The following CDH18 variants were observed in gnomAD, a reference collection of about 807,000 sequenced individuals.
The protein encoded by CDH18 is cadherin-18.
Under a neutral mutation model 67.9 loss-of-function variants are expected in CDH18, and 31 were observed. The observed-to-expected ratio is 0.46, with a 90% CI of 0.34 to 0.62. The LOEUF (loss-of-function observed/expected upper bound fraction) is 0.62. CDH18 is among the 20% of genes least tolerant of loss of function. CDH18 has a pLI of 0.01. For synonymous variants in CDH18, 362 were observed against 347.2 expected (o/e 1.04, Z -0.48); for missense variants, 890 against 975.5 (o/e 0.91, Z 1.17).
chr5:19,648,805 G>A (rs921732870), intron 5 of CDH18, among the ~76,000 whole-genome samples: 13 of 150,452 alleles, frequency 8.6e-5, no homozygotes, highest in Admixed American at 7.3e-4. Context: ...TCTTCACACA[G>A]TACATTAAAT....
rs535245249 is a variant in CDH18, at chr5:19,496,458, T to C, written c.1630+6534A>G. ...CACAATAATGTTGGGAGGTGGGGCCTAATGGGTGGTGTTTAGGTCTTGAGA... is the reference window on the plus strand; with the variant it reads ...CACAATAATGTTGGGAGGTGGGGCCCAATGGGTGGTGTTTAGGTCTTGAGA... On this transcript the variant is annotated intron_variant, in intron 11 of 12. Coordinates refer to ENST00000382275, the MANE Select transcript of CDH18 (RefSeq NM_004934.5). Among the ~76,000 whole-genome samples the C allele has an allele frequency of 1.3e-4, 20 of 152,268 alleles. No individual in the cohort carries two copies. The South Asian group carries it at 3.9e-3, about 30-fold the overall frequency.
chr5:19,975,703 C>T (rs565550663), intron 2 of CDH18, among the ~76,000 whole-genome samples: 57 of 152,178 alleles, frequency 3.7e-4, no homozygotes, highest in Admixed American at 1.4e-3. Context: ...TTAGAACAAT[C>T]TGGTTTTTCC....
At chr5:20,545,549 G>T (rs1204860119) in intron 1 of CDH18, among the ~76,000 whole-genome samples, 3 of 152,164 alleles carry the variant, frequency 2.0e-5, no homozygotes, top group African/African-American at 7.2e-5. Flanking sequence ...AGCTGCCAAG[G>T]TTGGGTCTGA....
At chr5:19,625,641 T>A (rs1751427420) in intron 5 of CDH18, among the ~76,000 whole-genome samples, 1 of 152,112 alleles carries the variant, frequency 6.6e-6, no homozygotes, top group African/African-American at 2.4e-5. Flanking sequence ...GTTCAAATCA[T>A]CTTTCCTTTG....
At chr5:19,616,386 T>TA (rs573313727) in intron 5 of CDH18, among the ~76,000 whole-genome samples, 92 of 152,148 alleles carry the variant, frequency 6.0e-4, no homozygotes, top group African/African-American at 1.7e-3. Flanking sequence ...TCGTTTTAAT[T>TA]AAAAAAATTG....
chr5:20,308,152 T>C (rs1736650257), intron 1 of CDH18, among the ~76,000 whole-genome samples: 1 of 150,782 alleles, frequency 6.6e-6, no homozygotes, highest in Admixed American at 6.6e-5. Flanking sequence ...CAGTTTAAAT[T>C]TGTTAAATTG....
In CDH18 at chr5:20,288,357, G is replaced by A. The variant is rs575087834; in HGVS notation, c.-579-32852C>T. ...AGTCAAATTACTTAATAAAATACTA[G>A]CATGTCCCTTTTAATTTCAGAGTAA... On this transcript the variant is annotated intron_variant, in intron 1 of 14. Transcript: ENST00000507958. 1.8e-4 allele frequency among the ~76,000 whole-genome samples: 27 copies of A among 151,646 alleles called. 1 individual carries two copies. The South Asian group carries it at 4.8e-3, about 27-fold the overall frequency.
At chr5:20,223,410 G>A (rs1334102146) in intron 2 of CDH18, among the ~76,000 whole-genome samples, 1 of 152,094 alleles carries the variant, frequency 6.6e-6, no homozygotes, top group Non-Finnish European at 1.5e-5. Context: ...TTCGATTTTA[G>A]GGGCTCATTG....
chr5:20,075,084 A>G (rs1038991222), intron 2 of CDH18, among the ~76,000 whole-genome samples: 3 of 152,166 alleles, frequency 2.0e-5, no homozygotes, highest in Non-Finnish European at 4.4e-5. Flanking sequence ...CTGACTTTGC[A>G]CCTCTTTAGG....
intron 1 of CDH18, among the ~76,000 whole-genome samples, chr5:20,306,198 T>C (rs932137394): frequency 1.1e-4 from 17 of 152,188 alleles, no homozygotes; most frequent in Middle Eastern, 3.2e-3. Flanking sequence ...AGAAAATGCT[T>C]CAATATAAAT....
rs1419895341 is a variant in CDH18 at position 20,100,797 on chromosome 5, C to A, written c.-517-108783G>T. ...AAATAAGAGAATATCCCCACTACAC[C>A]TCTGAGAAAAAAAAAATTGTTTTCT... On this transcript the variant is annotated intron_variant, in intron 2 of 14. Transcript: ENST00000507958. Among the ~76,000 whole-genome samples the A allele has an allele frequency of 2.0e-5, 3 of 151,790 alleles. No homozygotes were observed. In the East Asian group the frequency reaches 5.8e-4, roughly 29 times the overall value.
At chr5:19,975,677 T>C (rs1280249098) in intron 2 of CDH18, among the ~76,000 whole-genome samples, 2 of 152,186 alleles carry the variant, frequency 1.3e-5, no homozygotes, top group East Asian at 3.8e-4. Context: ...CAAACTATTA[T>C]TGTAGAGTTT....
chr5:20,371,986 T>A (rs4346772), intron 1 of CDH18, among the ~76,000 whole-genome samples: 150,051 of 152,342 alleles, frequency 0.98, 73,945 homozygotes, highest in Middle Eastern at 1. Flanking sequence ...GTTCTCATGC[T>A]CTTTCCATGC....
intron 10 of CDH18, among the ~76,000 whole-genome samples, chr5:19,519,589 G>A (rs1304807841): frequency 2.6e-5 from 4 of 152,174 alleles, no homozygotes; most frequent in Admixed American, 1.3e-4. Context: ...GTGTGGGTAT[G>A]ACCTGTGTCT....
At chr5:19,506,759 T>G (rs1225207403) in intron 10 of CDH18, among the ~76,000 whole-genome samples, 1 of 152,162 alleles carries the variant, frequency 6.6e-6, no homozygotes, top group African/African-American at 2.4e-5. Flanking sequence ...TAATTCAAGA[T>G]GGATTAAAGA....
At chr5:20,128,026 C>G (rs937148550) in intron 2 of CDH18, among the ~76,000 whole-genome samples, 1 of 152,024 alleles carries the variant, frequency 6.6e-6, no homozygotes, top group African/African-American at 2.4e-5. Flanking sequence ...TGATCATGGT[C>G]CCTGACAACC....
intron 4 of CDH18, among the ~76,000 whole-genome samples, chr5:19,728,840 CAGA>C (rs1767206395): frequency 2.0e-5 from 3 of 152,150 alleles, no homozygotes; most frequent in Admixed American, 2.0e-4. Context: ...GCTTAATTCT[CAGA>C]AGATTTTCCC....
chr5:20,505,002 C>G (rs1352807685), intron 1 of CDH18, among the ~76,000 whole-genome samples: 1 of 151,836 alleles, frequency 6.6e-6, no homozygotes, highest in Non-Finnish European at 1.5e-5. Flanking sequence ...CTCCTGACCT[C>G]GTGATCCAGC....
intron 1 of CDH18, among the ~76,000 whole-genome samples, chr5:20,434,189 T>C (rs1158757704): frequency 6.6e-6 from 1 of 152,054 alleles, no homozygotes; most frequent in African/African-American, 2.4e-5. Context: ...ACTGACAAGT[T>C]AAAACCACTG....
Sources: allele counts gnomAD v4.1 joint callset (sites outside exome capture counted in the v4.1 genomes callset), GRCh38; gene constraint gnomAD v4.1.1; transcripts MANE v1.5; gene names NCBI Gene and HGNC (gene_info 2026-07-23, HGNC 2026-07-21).